BMPR1B: variants seen among roughly 807,000 people sequenced by gnomAD.
The protein encoded by BMPR1B is bone morphogenetic protein receptor type-1B.
A neutral mutation model predicts 59.1 loss-of-function variants in BMPR1B; 12 were observed. That is an observed-to-expected ratio of 0.20 (90% CI 0.13 to 0.33). The LOEUF is 0.33. Among genes scored for constraint, BMPR1B ranks in the 10% least tolerant of loss-of-function variants. BMPR1B has a pLI of 1.00. For synonymous variants in BMPR1B, 237 were observed against 207.3 expected (o/e 1.14, Z -1.23); for missense variants, 550 against 610.9 (o/e 0.90, Z 1.05).
At chr4:95,012,039 CA>C (rs546068856) in intron 3 of BMPR1B, among the ~76,000 whole-genome samples, 203 of 139,602 alleles carry the variant, frequency 1.5e-3, no homozygotes, top group Admixed American at 2.5e-3. Flanking sequence ...ACAACAACAA[CA>C]AAAAAAAAAA....
chr4:95,140,636 T>C (rs549812732), intron 10 of BMPR1B, among the ~76,000 whole-genome samples: 8 of 152,212 alleles, frequency 5.3e-5, no homozygotes, highest in Admixed American at 4.6e-4. Context: ...TGCTTGGTAT[T>C]ATAATTATTT....
At chr4:95,072,142 T>C (rs986709592) in intron 3 of BMPR1B, among the ~76,000 whole-genome samples, 4 of 152,132 alleles carry the variant, frequency 2.6e-5, no homozygotes, top group African/African-American at 9.7e-5. Flanking sequence ...CATGTCCTAG[T>C]ATGAAGGCAG....
At chr4:95,080,190 T>C (rs568492044) in intron 3 of BMPR1B, among the ~76,000 whole-genome samples, 1 of 152,216 alleles carries the variant, frequency 6.6e-6, no homozygotes, top group Non-Finnish European at 1.5e-5. Context: ...ACAGTAAAAA[T>C]GCCTTAGCTT....
chr4:95,072,581 G>A (rs1417659227), intron 3 of BMPR1B, among the ~76,000 whole-genome samples: 1 of 152,102 alleles, frequency 6.6e-6, no homozygotes, highest in African/African-American at 2.4e-5. Context: ...TTAAGTAGTT[G>A]TATTCTTCAC....
At chr4:94,766,579 T>C (rs537945897) in intron 1 of BMPR1B, among the ~76,000 whole-genome samples, 2 of 152,130 alleles carry the variant, frequency 1.3e-5, no homozygotes, top group East Asian at 3.9e-4. Context: ...AGTTACTTAT[T>C]GTTATTTTTT....
At chr4:95,103,230 C>T (rs2149264055) in intron 3 of BMPR1B, among the ~76,000 whole-genome samples, 1 of 151,942 alleles carries the variant, frequency 6.6e-6, no homozygotes, top group South Asian at 2.1e-4. Context: ...AAAATTATCA[C>T]AGATTAAAAA....
intron 3 of BMPR1B, chr4:95,103,488 G>A (rs1316491194): frequency 1.9e-5 from 19 of 985,194 alleles, no homozygotes; most frequent in Non-Finnish European, 2.3e-5. Flanking sequence ...ATGTATAAGA[G>A]CTCTTACCAC....
At chr4:94,997,786 C>T (rs545515276) in intron 3 of BMPR1B, among the ~76,000 whole-genome samples, 1 of 152,196 alleles carries the variant, frequency 6.6e-6, no homozygotes, top group South Asian at 2.1e-4. Context: ...TTTTTATTTG[C>T]TTTTGCCTTT....
intron 3 of BMPR1B, among the ~76,000 whole-genome samples, chr4:95,072,250 A>G (rs867542700): frequency 6.6e-6 from 1 of 152,178 alleles, no homozygotes; most frequent in African/African-American, 2.4e-5. Flanking sequence ...AGGGAGAGCA[A>G]TCTGCTTTAC....
At chr4:94,855,801 A>ATTAG (rs3068184) in intron 1 of BMPR1B, among the ~76,000 whole-genome samples, 92,303 of 151,858 alleles carry the variant, frequency 0.61, 28,926 homozygotes, top group African/African-American at 0.76. Context: ...AGTTAATCAA[A>ATTAG]TTCTTGTGCT....
At chr4:95,121,361 G>A (rs890113724) in intron 6 of BMPR1B, among the ~76,000 whole-genome samples, 1 of 152,186 alleles carries the variant, frequency 6.6e-6, no homozygotes, top group Non-Finnish European at 1.5e-5. Flanking sequence ...TTTCCTAGAT[G>A]TTTTGATCTG....
chr4:94,878,632 A>C (rs1726831420), intron 2 of BMPR1B, among the ~76,000 whole-genome samples: 1 of 151,894 alleles, frequency 6.6e-6, no homozygotes, highest in African/African-American at 2.4e-5. Flanking sequence ...TAATAACTGC[A>C]TTCTGAGTGA....
intron 2 of BMPR1B, among the ~76,000 whole-genome samples, chr4:94,983,274 A>G (rs940759976): frequency 6.6e-6 from 1 of 151,712 alleles, no homozygotes; most frequent in Non-Finnish European, 1.5e-5. Flanking sequence ...TATCACATTC[A>G]TTTGTTAGTG....
At chr4:95,152,901 G>A (rs1276875106) in intron 12 of BMPR1B, 128 bp downstream of exon 12, 7 of 1,194,034 alleles carry the variant, frequency 5.9e-6, no homozygotes, top group Non-Finnish European at 8.4e-6. Context: ...GCGCCTCATT[G>A]CAGTAATTTA....
chr4:94,790,329 T>G (rs534858741), intron 1 of BMPR1B, among the ~76,000 whole-genome samples: 1 of 152,204 alleles, frequency 6.6e-6, no homozygotes, highest in Non-Finnish European at 1.5e-5. Context: ...TTAACCAGTG[T>G]GAGTTATTAC....
chr4:95,122,980 A>G (rs935605150), intron 6 of BMPR1B, among the ~76,000 whole-genome samples: 2 of 152,178 alleles, frequency 1.3e-5, no homozygotes, highest in Non-Finnish European at 2.9e-5. Flanking sequence ...AGTTTCCTCA[A>G]AATATGTCCC....
At chr4:94,854,061 CTGTT>C (rs767298582) in intron 1 of BMPR1B, among the ~76,000 whole-genome samples, 2 of 152,040 alleles carry the variant, frequency 1.3e-5, no homozygotes, top group African/African-American at 4.8e-5. Flanking sequence ...AGGAAAGTAA[CTGTT>C]TGAATTATTT....
intron 2 of BMPR1B, among the ~76,000 whole-genome samples, chr4:94,890,608 G>A (rs770386933): frequency 6.6e-6 from 1 of 152,076 alleles, no homozygotes; most frequent in African/African-American, 2.4e-5. Flanking sequence ...TTAAACAACA[G>A]AAGTTTATTT....
chr4:95,074,706 TAAAC>T (rs1728573600), intron 3 of BMPR1B, among the ~76,000 whole-genome samples: 2 of 152,094 alleles, frequency 1.3e-5, no homozygotes, highest in East Asian at 1.9e-4. Context: ...ATTGCTAAAG[TAAAC>T]AAAGTACTGT....
Sources: gnomAD v4.1 joint callset for allele counts (sites outside exome capture counted in the v4.1 genomes callset) on GRCh38, gnomAD v4.1.1 for gene constraint, MANE v1.5 for transcripts, NCBI Gene and HGNC (gene_info 2026-07-23, HGNC 2026-07-21) for gene names.